FANCD2: variants seen among roughly 807,000 people sequenced by gnomAD.
The protein encoded by FANCD2 is FA complementation group D2, also known as Fanconi anemia group D2 protein.
In FANCD2, 131 loss-of-function variants were observed where a neutral mutation model predicts 192.3. The ratio of observed to expected loss-of-function variants is 0.68; its 90% confidence interval spans 0.59 to 0.79. The LOEUF (loss-of-function observed/expected upper bound fraction) is 0.79, where lower values mean the gene tolerates loss of function less well. Among genes scored for constraint, FANCD2 ranks in the 30% least tolerant of loss-of-function variants. FANCD2 has a pLI of 0.00. For missense variants in FANCD2, 1,508 were observed against 1,701.6 expected (o/e 0.89, Z 2.00); for synonymous variants, 524 against 612.5 (o/e 0.86, Z 2.13).
intron 7 of FANCD2, among the ~76,000 whole-genome samples, chr3:10,038,084 G>C (rs1479524301): frequency 2.0e-5 from 3 of 152,150 alleles, no homozygotes; most frequent in Non-Finnish European, 2.9e-5. Flanking sequence ...TCTGCCTCCT[G>C]GGTTCAAGTG....
chr3:10,095,060 G>C, intron 40 of FANCD2, 140 bp from the exon 41 acceptor site: 1 of 718,764 alleles, frequency 1.4e-6, no homozygotes, highest in Admixed American at 2.0e-5. Flanking sequence ...TCCTATTTGA[G>C]AGGCAAATTA....
chr3:10,032,474 G>A lies in FANCD2; in HGVS notation c.65-358G>A, dbSNP rs34318454. 6.5e-3 allele frequency: 1,780 copies of A among 272,246 alleles called. 51 individuals are homozygous for A. Among genetic ancestry groups the A allele is most frequent in the South Asian group, 0.04 (1,226 of 30,834 alleles). The allele number at this position is 272,246 out of a possible 1,614,324, so 16.9% of individuals were successfully genotyped here. ...TTGTGTGTGGAGGGGGGGAATGGGG[G>A]TGAAGGGGGGGAGATGGGGGGGTGG... On this transcript the variant is annotated intron_variant, in intron 2 of 43. Transcript: ENST00000675286.
rs1358685433 is a variant in FANCD2 at position 10,067,250 on chromosome 3, G to A, written c.2427G>A (p.Lys809=). The change falls in exon 26 of 44, where the codon AAG becomes AAA. Residue 809 remains lysine, a synonymous_variant. Transcript: ENST00000675286. ...AFCQETSPEM[K]GKVLTRLKHI... is the part of the protein sequence containing the mutation. ...GCCAGGAAACATCACCTGAGATGAAGGGGAAGGTGCTCACTCGGTTAAAGC... is the reference window on the plus strand; with the variant it reads ...GCCAGGAAACATCACCTGAGATGAAAGGGAAGGTGCTCACTCGGTTAAAGC... The A allele has an allele frequency of 1.2e-6, 2 of 1,613,662 alleles. No homozygotes were observed. Among genetic ancestry groups the A allele is most frequent in the African/African-American group, 2.7e-5 (2 of 74,898 alleles).
intron 18 of FANCD2, among the ~76,000 whole-genome samples, chr3:10,054,539 A>G (rs1166940745): frequency 8.9e-6 from 1 of 112,046 alleles, no homozygotes; most frequent in African/African-American, 3.5e-5. Flanking sequence ...GCTGGAGTGC[A>G]GTGGCGCAAT....
rs976506457 is a variant in FANCD2 at position 10,043,372 on chromosome 3, A to G, written c.990-112A>G. 7.6e-5 allele frequency: 68 copies of G among 892,342 alleles called. 1 individual carries two copies. In the African/African-American group the frequency reaches 1.0e-3, roughly 14 times the overall value. The allele number at this position is 892,342 out of a possible 1,614,324, so 55.3% of individuals were successfully genotyped here. A position where few individuals can be genotyped will look rare whatever the true frequency, so the allele number is the denominator to read the frequency against. ...AGACGACAGTGCAAGTTTATTAGCC[A>G]TCTTATACATGAGGTTGTCATTTGC... On this transcript the variant is annotated intron_variant, in intron 12 of 43. Transcript: ENST00000675286.
chr3:10,061,387 T>A (rs1325927338), intron 19 of FANCD2, among the ~76,000 whole-genome samples: 2 of 152,148 alleles, frequency 1.3e-5, no homozygotes, highest in Admixed American at 1.3e-4. Flanking sequence ...TGACACACAT[T>A]AATAATGGGA....
intron 41 of FANCD2, 31 bp from the exon 42 acceptor site, chr3:10,096,295 C>G (rs1417838564): frequency 6.2e-7 from 1 of 1,612,080 alleles, no homozygotes; most frequent in Non-Finnish European, 8.5e-7. Context: ...GATAAACTCA[C>G]AAAAGATGGA....
At chr3:10,087,926 C>T (rs892183134) in intron 34 of FANCD2, among the ~76,000 whole-genome samples, 4 of 152,120 alleles carry the variant, frequency 2.6e-5, no homozygotes, top group South Asian at 2.1e-4. Flanking sequence ...GGATTACAGA[C>T]GTGAGCCACT....
At chr3:10,065,586 G>A (rs2087697252) in intron 24 of FANCD2, 92 bp downstream of exon 24, 1 of 895,850 alleles carries the variant, frequency 1.1e-6, no homozygotes, top group African/African-American at 1.6e-5. Flanking sequence ...TGTATGTGGG[G>A]AGGAATTTTC....
At chr3:10,037,303 A>G (rs1296996412) in intron 7 of FANCD2, among the ~76,000 whole-genome samples, 2 of 152,208 alleles carry the variant, frequency 1.3e-5, no homozygotes, top group African/African-American at 4.8e-5. Context: ...ATAGTAAATA[A>G]TAACTATTAC....
At position 10,099,935 on chromosome 3, in the gene FANCD2, C is replaced by G. The variant is rs1160571796; in HGVS notation, c.4281+1120C>G. 2.0e-5 allele frequency among the ~76,000 whole-genome samples: 3 copies of G among 152,168 alleles called. No individual in the cohort carries two copies. In the East Asian group the frequency reaches 5.8e-4, roughly 29 times the overall value. ...GTCTGGCCTGATGGGGTGGCTCACACCTGTAATCGTAGCACTTTGTGAGGC... is the reference window on the plus strand; with the variant it reads ...GTCTGGCCTGATGGGGTGGCTCACAGCTGTAATCGTAGCACTTTGTGAGGC... On this transcript the variant is annotated intron_variant, in intron 43 of 43. Coordinates refer to ENST00000675286, the MANE Select transcript of FANCD2 (RefSeq NM_001018115.3).
chr3:10,054,358 TATATATATACGTGTATATAC>T (rs1376732833), intron 18 of FANCD2, among the ~76,000 whole-genome samples: 3,194 of 123,912 alleles, frequency 0.026, 179 homozygotes, highest in African/African-American at 0.11. Context: ...TATACGTATA[TATATATATACGTGTATATAC>T]ATATATATAT....
intron 7 of FANCD2, chr3:10,037,710 T>G (rs2086765997): frequency 6.6e-6 from 1 of 152,116 alleles, no homozygotes; most frequent in African/African-American, 2.4e-5. Context: ...GTTCAAAAAA[T>G]AGAAATATTA....
chr3:10,032,138 C>A (rs1302649037), intron 2 of FANCD2, among the ~76,000 whole-genome samples: 3 of 152,092 alleles, frequency 2.0e-5, no homozygotes, highest in Non-Finnish European at 4.4e-5. Flanking sequence ...AGCCACTGTG[C>A]TGGGTCGGAA....
intron 30 of FANCD2, among the ~76,000 whole-genome samples, chr3:10,079,816 C>T (rs370570694): frequency 2.8e-4 from 43 of 152,092 alleles, no homozygotes; most frequent in African/African-American, 9.4e-4. Context: ...AGCAGTTGGA[C>T]GGTACATATA....
In FANCD2 at chr3:10,042,552, T is replaced by G. The variant is rs754335505; in HGVS notation, c.784-7T>G. The G allele has an allele frequency of 1.1e-5, 18 of 1,611,148 alleles. No individual in the cohort carries two copies. The Admixed American group carries it at 2.2e-4, about 19-fold the overall frequency. ...ACCTATTAAGTTTCTGTGCTTTTAA[T>G]TTTTAGGTTCGCCAGTTGGTGATGG... On this transcript the variant is annotated splice_region_variant and splice_polypyrimidine_tract_variant and intron_variant, in intron 10 of 43. Transcript: ENST00000675286.
intron 20 of FANCD2, among the ~76,000 whole-genome samples, chr3:10,062,441 C>T (rs887970418): frequency 2.0e-5 from 3 of 152,034 alleles, no homozygotes; most frequent in African/African-American, 7.2e-5. Flanking sequence ...GAGGTTTCAC[C>T]ATGTTGGCCC....
At chr3:10,027,828 C>T (rs1162191098) in intron 1 of FANCD2, among the ~76,000 whole-genome samples, 4 of 148,036 alleles carry the variant, frequency 2.7e-5, no homozygotes, top group African/African-American at 1.0e-4. Context: ...TGGTGTGAAC[C>T]CGGGAGGTGG....
intron 15 of FANCD2, among the ~76,000 whole-genome samples, chr3:10,047,234 T>TATAG: frequency 6.6e-6 from 1 of 152,352 alleles, no homozygotes; most frequent in Middle Eastern, 3.4e-3. Flanking sequence ...ATTTAACGGT[T>TATAG]GTATTATTTT....
Sources: allele counts gnomAD v4.1 joint callset (sites outside exome capture counted in the v4.1 genomes callset), GRCh38; gene constraint gnomAD v4.1.1; transcripts MANE v1.5; gene names NCBI Gene and HGNC (gene_info 2026-07-23, HGNC 2026-07-21).